The following CHI3L2 variants were observed in gnomAD, a reference collection of about 807,000 sequenced individuals.
CHI3L2 encodes chitinase 3 like 2.
Under a neutral mutation model 47.3 loss-of-function variants are expected in CHI3L2, and 47 were observed. That is an observed-to-expected ratio of 0.99 (90% CI 0.79 to 1.27). The LOEUF (loss-of-function observed/expected upper bound fraction) is 1.27, where lower values mean the gene tolerates loss of function less well. Ranked by LOEUF, CHI3L2 falls within the 50% of genes most tolerant of loss-of-function variation. CHI3L2 has a pLI of 0.00. For synonymous variants in CHI3L2, 198 were observed against 169.9 expected (o/e 1.17, Z -1.28); for missense variants, 497 against 462.1 (o/e 1.08, Z -0.69).
intron 4 of CHI3L2, among the ~76,000 whole-genome samples, chr1:111,234,056 G>A (rs1279547820): frequency 1.9e-4 from 29 of 150,282 alleles, no homozygotes; most frequent in Non-Finnish European, 4.2e-4. Context: ...AAACACTGCG[G>A]AAGGCCGCAG....
chr1:111,228,269 A>G (rs1659586104), intron 1 of CHI3L2, among the ~76,000 whole-genome samples: 1 of 152,140 alleles, frequency 6.6e-6, no homozygotes, highest in South Asian at 2.1e-4. Context: ...AATTGGGATG[A>G]GAGTGGGGAT....
chr1:111,229,759 T>A (rs1659654891), intron 1 of CHI3L2, 93 bp from the exon 2 acceptor site: 1 of 1,594,200 alleles, frequency 6.3e-7, no homozygotes, highest in South Asian at 1.1e-5. Flanking sequence ...CTCTATCTTG[T>A]ATGTGAGCAC....
chr1:111,233,188 C>T (rs564336122), intron 4 of CHI3L2, among the ~76,000 whole-genome samples: 1 of 152,200 alleles, frequency 6.6e-6, no homozygotes, highest in East Asian at 1.9e-4. Context: ...TCAGATGAAG[C>T]CCTTGAGGAG....
At chr1:111,228,608 C>T (rs144896368) in intron 1 of CHI3L2, among the ~76,000 whole-genome samples, 2 of 152,268 alleles carry the variant, frequency 1.3e-5, no homozygotes, top group African/African-American at 4.8e-5. Context: ...GAACCAGGGC[C>T]TAACCTCCCT....
At chr1:111,234,754 C>T (rs1399653873) in intron 4 of CHI3L2, among the ~76,000 whole-genome samples, 153 bp from the exon 5 acceptor site, 1 of 152,202 alleles carries the variant, frequency 6.6e-6, no homozygotes, top group Non-Finnish European at 1.5e-5. Flanking sequence ...TCCTTTTTCT[C>T]TCGTCTGTTC....
intron 3 of CHI3L2, 74 bp from the exon 4 acceptor site, chr1:111,231,164 A>G (rs1447798267): frequency 1.2e-5 from 16 of 1,320,242 alleles, no homozygotes; most frequent in East Asian, 1.2e-4. Context: ...CTCTACACTT[A>G]AGAACTCTGT....
In CHI3L2 at chr1:111,236,028, C is replaced by T; in HGVS notation, c.610C>T (p.Leu204=). ...SYQVEKLAKD[L]DFINLLSFDF... The stretch of plus-strand genomic sequence containing the variant: ...CCATTGCTTTTGGCACTTTAGAGAT[C>T]TGGATTTCATCAACCTCCTGTCCTT... Residue 204 remains leucine (L), a synonymous_variant, in exon 7 of 11, where the codon CTG becomes TTG. Transcript: ENST00000369748. 1 of 1,614,122 alleles carries T rather than the reference C, an allele frequency of 6.2e-7. No individual in the cohort carries two copies. The highest frequency in any genetic ancestry group is 2.2e-5 in the East Asian group (1 of 44,886).
At chr1:111,242,912 C>A (rs936921725) in intron 10 of CHI3L2, among the ~76,000 whole-genome samples, 6 of 152,150 alleles carry the variant, frequency 3.9e-5, no homozygotes, top group African/African-American at 1.4e-4. Context: ...TCCCTGGGCC[C>A]CCAGTTCCCT....
At chr1:111,243,116 G>A in intron 10 of CHI3L2, 101 bp from the exon 11 acceptor site, 6 of 455,110 alleles carry the variant, frequency 1.3e-5, no homozygotes, top group South Asian at 9.3e-5. Context: ...TTAGATAATT[G>A]GGTAGCAGCC....
At position 111,236,245 on chromosome 1, in the gene CHI3L2, G is replaced by C. The variant is rs1571228376; in HGVS notation, c.735+92G>C. The C allele has an allele frequency of 4.3e-6, 6 of 1,391,324 alleles. No homozygotes were observed. The East Asian group carries it at 1.4e-4, about 33-fold the overall frequency. 86.2% of individuals were successfully genotyped at this position (1,391,324 alleles called of 1,614,324 possible). A position where few individuals can be genotyped will look rare whatever the true frequency, so the allele number is the denominator to read the frequency against. On this transcript the variant is annotated intron_variant, in intron 7 of 10. Coordinates refer to ENST00000369748, the MANE Select transcript of CHI3L2 (RefSeq NM_004000.3). ...TCTAGAGTTACTTCTGTCTTGAACT[G>C]AGGAAGAGCTATGAGCCCAAGAGGG...
At chr1:111,241,212 GA>G in intron 8 of CHI3L2, 114 bp from the exon 9 acceptor site, 1 of 758,814 alleles carries the variant, frequency 1.3e-6, no homozygotes, top group Non-Finnish European at 2.4e-6. Flanking sequence ...TGATCCTTGG[GA>G]TAAAGGTTCT....
chr1:111,237,061 T>C (rs986576129), intron 7 of CHI3L2, among the ~76,000 whole-genome samples: 2 of 152,230 alleles, frequency 1.3e-5, no homozygotes, highest in African/African-American at 2.4e-5. Flanking sequence ...TCTCAAGCAC[T>C]GATCTTAGGT....
chr1:111,233,605 C>T (rs12036747), intron 4 of CHI3L2, among the ~76,000 whole-genome samples: 13,612 of 151,972 alleles, frequency 0.09, 915 homozygotes, highest in East Asian at 0.35. Context: ...CCGCCCCGTC[C>T]GGGAGGTGAG....
chr1:111,237,161 T>A (rs778610003), intron 7 of CHI3L2, among the ~76,000 whole-genome samples: 53 of 152,252 alleles, frequency 3.5e-4, no homozygotes, highest in Non-Finnish European at 6.5e-4. Flanking sequence ...CCATAACTTC[T>A]AATCTCATGG....
At chr1:111,232,349 G>GCATT (rs35575573) in intron 4 of CHI3L2, among the ~76,000 whole-genome samples, 36,647 of 151,630 alleles carry the variant, frequency 0.24, 5,169 homozygotes, top group Non-Finnish European at 0.33. Flanking sequence ...ATTCATTCTT[G>GCATT]CATTCATTCA....
rs1437103770 is a variant in CHI3L2 at position 111,242,374 on chromosome 1, T to C, written c.*2+8T>C. On this transcript the variant is annotated splice_region_variant and intron_variant, in intron 10 of 10. Transcript: ENST00000369748. ...CCTTGGCTCCCTGTGAAGGTAACAG[T>C]CCAGGCTGGAGCTGGGAGTGGGCAG... is the stretch of plus-strand genomic sequence containing the variant. The C allele has an allele frequency of 1.9e-6, 3 of 1,592,254 alleles. No individual in the cohort carries two copies. The highest frequency in any genetic ancestry group is 2.6e-6 in the Non-Finnish European group (3 of 1,169,350).
Position 111,230,812 on chromosome 1 carries a change from C to T in CHI3L2, c.141C>T (p.Thr47=). ...SQDRQEPGKF[T]PENIDPFLCS... Reference sequence around the variant, plus strand: ...ACCGGCAGGAACCAGGAAAATTCACCCCTGAGAATATTGACCCCTTCCTAT... The same window carrying T: ...ACCGGCAGGAACCAGGAAAATTCACTCCTGAGAATATTGACCCCTTCCTAT... Residue 47 remains threonine (T), a synonymous_variant, in exon 3 of 11, where the codon ACC becomes ACT. Transcript: ENST00000369748. 11 of 1,614,052 alleles carry T rather than the reference C, an allele frequency of 6.8e-6. No homozygotes were observed. The highest frequency in any genetic ancestry group is 9.3e-6 in the Non-Finnish European group (11 of 1,180,010).
chr1:111,233,126 T>C (rs1244228385), intron 4 of CHI3L2, among the ~76,000 whole-genome samples: 1 of 152,342 alleles, frequency 6.6e-6, no homozygotes, highest in East Asian at 1.9e-4. Context: ...ATGCTATTGG[T>C]GCCCTTGGTG....
At position 111,238,918 on chromosome 1, in the gene CHI3L2, C is replaced by G. The variant is rs202128382; in HGVS notation, c.904C>G (p.Leu302Val). Residue 302 changes from leucine (L) to valine (V), a missense_variant, in exon 8 of 11, where the codon CTG (leucine) becomes GTG (valine). By Grantham distance (32) the Leu-to-Val change is conservative (BLOSUM62 1). Transcript: ENST00000369748. ...ACCCATCACAGAGTCTTCAGGCTTCCTGGCCTATTATGAGGTACCTGGAAA... is the reference window on the plus strand; with the variant it reads ...ACCCATCACAGAGTCTTCAGGCTTCGTGGCCTATTATGAGGTACCTGGAAA... ...AGPITESSGFLAYYEICQFLK... is the reference protein window; with the variant it reads ...AGPITESSGFVAYYEICQFLK... 3 of 1,601,310 alleles carry G rather than the reference C, an allele frequency of 1.9e-6. No individual in the cohort carries two copies. The African/African-American group carries it at 4.0e-5, about 22-fold the overall frequency.
Sources: allele counts gnomAD v4.1 joint callset (sites outside exome capture counted in the v4.1 genomes callset), GRCh38; gene constraint gnomAD v4.1.1; transcripts MANE v1.5; gene names NCBI Gene and HGNC (gene_info 2026-07-23, HGNC 2026-07-21).